The following BBS1 variants were observed in gnomAD, a reference collection of about 807,000 sequenced individuals.
The protein encoded by BBS1 is BBSome complex member BBS1.
In BBS1, 60 loss-of-function variants were observed where a neutral mutation model predicts 73.9. That is an observed-to-expected ratio of 0.81 (90% CI 0.66 to 1.01). The LOEUF (loss-of-function observed/expected upper bound fraction) is 1.01, where lower values mean the gene tolerates loss of function less well. BBS1 is among the 50% of genes least tolerant of loss of function. The pLI is 0.00. For synonymous variants in BBS1, 283 were observed against 317.4 expected (o/e 0.89, Z 1.15); for missense variants, 718 against 770.3 (o/e 0.93, Z 0.80).
chr11:66,530,614 G>A lies in BBS1; in HGVS notation c.1474-280G>A, dbSNP rs539722009. 1.6e-4 allele frequency among the ~76,000 whole-genome samples: 24 copies of A among 152,212 alleles called. No homozygotes were observed. In the South Asian group the frequency reaches 5.0e-3, roughly 32 times the overall value. On this transcript the variant is annotated intron_variant, in intron 14 of 16. Transcript: ENST00000318312. ...TACCCTAGGATGAGAGTGGGAGGTG[G>A]AACAGGCAGGGGGTGGGGGTGAGGG...
intron 11 of BBS1, among the ~76,000 whole-genome samples, chr11:66,524,893 AAAAAT>A (rs1485057599): frequency 1.4e-5 from 2 of 141,096 alleles, no homozygotes; most frequent in Non-Finnish European, 3.3e-5. Context: ...CATCTCTACT[AAAAAT>A]AAACAAATTA....
chr11:66,525,318 C>T (rs1409503089), intron 11 of BBS1, among the ~76,000 whole-genome samples: 1 of 152,106 alleles, frequency 6.6e-6, no homozygotes, highest in Admixed American at 6.6e-5. Flanking sequence ...GAGATCGCGC[C>T]ACTGCACTCC....
At chr11:66,529,761 T>C in intron 13 of BBS1, 58 bp from the exon 14 acceptor site, 1 of 1,601,746 alleles carries the variant, frequency 6.2e-7, no homozygotes, top group Non-Finnish European at 8.5e-7. Flanking sequence ...GCCCCGTTGC[T>C]GCCTCCTCCC....
At chr11:66,511,874 C>T (rs188997851) in intron 3 of BBS1, among the ~76,000 whole-genome samples, 2 of 151,566 alleles carry the variant, frequency 1.3e-5, no homozygotes, top group Non-Finnish European at 2.9e-5. Context: ...TGATGGGCAC[C>T]TGTAATCCCA....
chr11:66,513,138 T>G (rs2134769375), intron 3 of BBS1, among the ~76,000 whole-genome samples: 1 of 151,732 alleles, frequency 6.6e-6, no homozygotes, highest in East Asian at 1.9e-4. Flanking sequence ...TAGAAAGTAT[T>G]ACGGGAGCGC....
intron 12 of BBS1, 134 bp downstream of exon 12, chr11:66,526,326 C>CA: frequency 2.2e-6 from 2 of 918,818 alleles, no homozygotes; most frequent in Non-Finnish European, 3.4e-6. Flanking sequence ...ACAGAAGTGT[C>CA]CTTCTGGAGC....
chr11:66,527,126 C>G, intron 13 of BBS1: 1 of 1,050,772 alleles, frequency 9.5e-7, no homozygotes, highest in Non-Finnish European at 1.4e-6. Flanking sequence ...CCTGTAATCC[C>G]AACACTTTGG....
chr11:66,512,558 T>G (rs1237281573), intron 3 of BBS1, among the ~76,000 whole-genome samples: 1 of 152,194 alleles, frequency 6.6e-6, no homozygotes, highest in African/African-American at 2.4e-5. Flanking sequence ...TGCATCAGCA[T>G]GTGGTCAGGA....
At position 66,530,894 on chromosome 11, in the gene BBS1, G is replaced by T. The variant is rs747604822; in HGVS notation, c.1474G>T (p.Val492Phe). The T allele has an allele frequency of 3.1e-6, 5 of 1,614,192 alleles. No individual in the cohort carries two copies. The Admixed American group carries it at 8.3e-5, about 27-fold the overall frequency. ...AREPLKLHAV[V>F]QGLGPTFKLT... is the part of the protein sequence containing the mutation. ...CTTTCTCCACCCACCCTCTCCATAG[G>T]TTCAGGGCCTTGGCCCCACCTTTAA... Residue 492 changes from valine (V) to phenylalanine (F), a missense_variant and splice_region_variant, in exon 15 of 17, where the codon GTT (valine) becomes TTT (phenylalanine). Val to Phe is a conservative substitution (Grantham distance 50). Coordinates refer to ENST00000318312, the MANE Select transcript of BBS1 (RefSeq NM_024649.5).
intron 7 of BBS1, among the ~76,000 whole-genome samples, chr11:66,519,319 C>T (rs991572272): frequency 1.1e-4 from 17 of 151,992 alleles, no homozygotes; most frequent in Admixed American, 7.9e-4. Context: ...TGCAGTGAGC[C>T]GAGATTGTAC....
intron 8 of BBS1, chr11:66,520,864 T>G (rs1856185545): frequency 3.1e-6 from 1 of 318,588 alleles, no homozygotes; most frequent in Non-Finnish European, 6.1e-6. Flanking sequence ...TTCTCATCTG[T>G]GGGACCACCA....
intron 14 of BBS1, 90 bp from the exon 15 acceptor site, chr11:66,530,804 G>C: frequency 6.4e-7 from 1 of 1,557,202 alleles, no homozygotes; most frequent in Non-Finnish European, 8.9e-7. Context: ...GGGGACATGA[G>C]GGCATTGGTG....
In BBS1 at chr11:66,514,645, T is replaced by A; in HGVS notation, c.399T>A (p.Pro133=). Reference sequence around the variant, plus strand: ...GCCTGCCCCAATTGCCTCCAAATCCTCTGGAACAAGACCTTTGGAACCAGG... The same window carrying A: ...GCCTGCCCCAATTGCCTCCAAATCCACTGGAACAAGACCTTTGGAACCAGG... ...KFSLPQLPPN[P]LEQDLWNQAK... is the part of the protein sequence containing the mutation. The change falls in exon 4 of 17, where the codon CCT becomes CCA. Residue 133 remains proline, a synonymous_variant. Transcript: ENST00000318312. 6.2e-7 allele frequency: 1 copy of A among 1,612,980 alleles called. No homozygotes were observed. Among genetic ancestry groups the A allele is most frequent in the South Asian group, 1.1e-5 (1 of 91,086 alleles).
chr11:66,526,870 G>C, intron 13 of BBS1, 63 bp downstream of exon 13: 11 of 1,613,722 alleles, frequency 6.8e-6, no homozygotes, highest in Non-Finnish European at 9.3e-6. Flanking sequence ...AGCAAAGCTG[G>C]GGGAATGCTG....
At position 66,531,761 on chromosome 11, in the gene BBS1, C is replaced by T; in HGVS notation, c.1695+19C>T. On this transcript the variant is annotated intron_variant, in intron 16 of 16. Coordinates refer to ENST00000318312, the MANE Select transcript of BBS1 (RefSeq NM_024649.5). ...CATCAAGGTAGGCCCCGCACTTGTA[C>T]CACGTGGAAGGTGAGCAGGACCCTG... The T allele has an allele frequency of 6.2e-7, 1 of 1,613,956 alleles. No homozygotes were observed. Among genetic ancestry groups the T allele is most frequent in the Non-Finnish European group, 8.5e-7 (1 of 1,179,948 alleles).
chr11:66,515,046 G>A (rs924488918), intron 4 of BBS1, among the ~76,000 whole-genome samples: 4 of 152,058 alleles, frequency 2.6e-5, no homozygotes, highest in African/African-American at 7.2e-5. Flanking sequence ...TTGAACTCCT[G>A]GCCTCATATG....
At chr11:66,521,904 C>CAAAA (rs1183524219) in intron 9 of BBS1, among the ~76,000 whole-genome samples, 5 of 36,468 alleles carry the variant, frequency 1.4e-4, no homozygotes, top group South Asian at 2.3e-3. Flanking sequence ...GACTCCGTCT[C>CAAAA]AAAAAAAAAA....
chr11:66,515,645 GGGCCCCATT>G (rs1489358328), intron 5 of BBS1, 39 bp from the exon 6 acceptor site: 1 of 1,614,066 alleles, frequency 6.2e-7, no homozygotes, highest in Admixed American at 1.7e-5. Flanking sequence ...CTGAGCCCCA[GGGCCCCATT>G]CTTCCATTCG....
intron 13 of BBS1, among the ~76,000 whole-genome samples, chr11:66,528,304 A>C (rs1188035688): frequency 6.6e-6 from 1 of 152,254 alleles, no homozygotes; most frequent in Admixed American, 6.5e-5. Flanking sequence ...GCTTAAGTGG[A>C]GAGAGTTACC....
Sources: allele counts gnomAD v4.1 joint callset (sites outside exome capture counted in the v4.1 genomes callset), GRCh38; gene constraint gnomAD v4.1.1; transcripts MANE v1.5; gene names NCBI Gene and HGNC (gene_info 2026-07-23, HGNC 2026-07-21).